DEFB127: variants seen among roughly 807,000 people sequenced by gnomAD.
The protein encoded by DEFB127 is beta-defensin 127.
A neutral mutation model predicts 2.4 loss-of-function variants in DEFB127; 2 were observed. The observed-to-expected ratio is 0.82, with a 90% CI of 0.34 to 2.58. The LOEUF is 2.58. Ranked by LOEUF, DEFB127 falls within the 30% of genes most tolerant of loss-of-function variation. The pLI, the probability that DEFB127 is intolerant of heterozygous loss-of-function variation, is 0.11. For missense variants in DEFB127, 110 were observed against 113.2 expected, an observed-to-expected ratio of 0.97 and a Z score of 0.13; for synonymous variants, 37 against 39.8, an observed-to-expected ratio of 0.93 and a Z score of 0.26.
At chr20:158,746 T>C (rs1568467496) in intron 1 of DEFB127, 28 bp from the exon 2 acceptor site, 2 of 1,586,512 alleles carry the variant, frequency 1.3e-6, no homozygotes, top group South Asian at 1.2e-5. Flanking sequence ...AACACTGATA[T>C]TGTTCTATTG....
intron 1 of DEFB127, among the ~76,000 whole-genome samples, chr20:158,044 T>C (rs2054710256): frequency 6.6e-6 from 1 of 152,064 alleles, no homozygotes; most frequent in South Asian, 2.1e-4. Flanking sequence ...CAACTTTAAG[T>C]AGTGAAGACT....
Position 157,564 on chromosome 20 carries a change from T to G in DEFB127, c.20T>G (p.Ile7Ser). 6.2e-7 allele frequency: 1 copy of G among 1,613,994 alleles called. No individual in the cohort carries two copies. Among genetic ancestry groups the G allele is most frequent in the South Asian group, 1.1e-5 (1 of 91,082 alleles). ...CTGGCCATGGGGCTCTTCATGATCA[T>G]TGCAATTCTGCTGTTCCAGAAACCC... Reference protein sequence around the residue: MGLFMIIAILLFQKPTV... With the variant: MGLFMISAILLFQKPTV... The change falls in exon 1 of 2, where the codon ATT becomes AGT. Residue 7 changes from isoleucine to serine, a missense_variant. Physicochemically the swap from Ile to Ser is moderately radical, Grantham distance 142 (BLOSUM62 -2). Transcript: ENST00000382388.
Position 158,717 on chromosome 20 carries a change from C to T in DEFB127, c.50-57C>T, listed in dbSNP as rs547986694. On this transcript the variant is annotated intron_variant, in intron 1 of 1. Transcript: ENST00000382388. ...AAGCCTCCTCTGTCTTCCCCAAAAC[C>T]AACGTGCCTTCAGTCTCAAACACTG... 99 of 1,543,912 alleles carry T rather than the reference C, an allele frequency of 6.4e-5. No individual in the cohort carries two copies. The East Asian group carries it at 2.0e-3, about 31-fold the overall frequency.
chr20:157,488 A>AG lies in DEFB127; in HGVS notation c.-56dup. On this transcript the variant is annotated 5_prime_UTR_variant, in exon 1 of 2. Transcript: ENST00000382388. Reference sequence around the variant, plus strand: ...TCTAAGTCTCTGAGGAAGGTAGCATAGTGTGCAGTTCACTGGACCAAAAGC... The same window carrying AG: ...TCTAAGTCTCTGAGGAAGGTAGCATAGGTGTGCAGTTCACTGGACCAAAAGC... 1.3e-6 allele frequency: 2 copies of AG among 1,576,664 alleles called. No individual in the cohort carries two copies. The highest frequency in any genetic ancestry group is 1.7e-6 in the Non-Finnish European group (2 of 1,146,130).
In DEFB127 at chr20:159,065, C is replaced by T. The variant is rs1258199338; in HGVS notation, c.*41C>T. ...GTTTTCACTTGCTTCTCAACCTAGTCTAATAAACTAAGGTGATGAGATATA... is the reference window on the plus strand; with the variant it reads ...GTTTTCACTTGCTTCTCAACCTAGTTTAATAAACTAAGGTGATGAGATATA... On this transcript the variant is annotated 3_prime_UTR_variant, in exon 2 of 2. Transcript: ENST00000382388. The T allele has an allele frequency of 6.4e-7, 1 of 1,553,186 alleles. No individual in the cohort carries two copies. Among genetic ancestry groups the T allele is most frequent in the African/African-American group, 1.4e-5 (1 of 72,798 alleles).
intron 1 of DEFB127, among the ~76,000 whole-genome samples, chr20:157,929 ATATGTGTGTG>A (rs372381335): frequency 3.2e-4 from 41 of 130,122 alleles, no homozygotes; most frequent in South Asian, 1.7e-3. Context: ...TCAAATATAT[ATATGTGTGTG>A]TGTGTGTGTG....
chr20:158,662 T>C (rs533989804), intron 1 of DEFB127, 112 bp from the exon 2 acceptor site: 317 of 1,082,820 alleles, frequency 2.9e-4, no homozygotes, highest in Non-Finnish European at 3.3e-4. Context: ...AGGGTCTGCC[T>C]TGTGGATACC....
At chr20:157,895 A>G (rs1488382735) in intron 1 of DEFB127, among the ~76,000 whole-genome samples, 1 of 151,154 alleles carries the variant, frequency 6.6e-6, no homozygotes, top group Non-Finnish European at 1.5e-5. Context: ...TTTTACTCTG[A>G]TGCTCAGCTA....
Position 158,953 on chromosome 20 carries a change from C to T in DEFB127, c.229C>T (p.Leu77Phe). 6.2e-7 allele frequency: 1 copy of T among 1,613,660 alleles called. No individual in the cohort carries two copies. The highest frequency in any genetic ancestry group is 2.2e-5 in the East Asian group (1 of 44,876). Reference sequence around the variant, plus strand: ...GCCACCTCGTCCAAAGCCAGCAACACTTGCACTGACTCTTCAAGACTATGT... The same window carrying T: ...GCCACCTCGTCCAAAGCCAGCAACATTTGCACTGACTCTTCAAGACTATGT... ...TKPPRPKPAT[L>F]ALTLQDYVTI... Residue 77 changes from leucine to phenylalanine, a missense_variant, in exon 2 of 2, where the codon CTT becomes TTT. Transcript: ENST00000382388.
rs572018880 is a variant in DEFB127 at position 158,761 on chromosome 20, T to A, written c.50-13T>A. 11 of 1,602,142 alleles carry A rather than the reference T, an allele frequency of 6.9e-6. No homozygotes were observed. In the South Asian group the frequency reaches 9.0e-5, roughly 13 times the overall value. ...AACACTGATATTGTTCTATTGCTCCTTTCTGTGTATAGTAACCGAACAACT... is the reference window on the plus strand; with the variant it reads ...AACACTGATATTGTTCTATTGCTCCATTCTGTGTATAGTAACCGAACAACT... On this transcript the variant is annotated splice_polypyrimidine_tract_variant and intron_variant, in intron 1 of 1. Transcript: ENST00000382388.
intron 1 of DEFB127, among the ~76,000 whole-genome samples, chr20:158,106 G>A (rs1180426491): frequency 2.6e-5 from 4 of 152,038 alleles, no homozygotes; most frequent in African/African-American, 9.7e-5. Context: ...TGGTTAACAG[G>A]GGTTTTATTA....
intron 1 of DEFB127, among the ~76,000 whole-genome samples, chr20:158,549 T>C (rs976058042): frequency 6.6e-6 from 1 of 152,200 alleles, no homozygotes; most frequent in African/African-American, 2.4e-5. Flanking sequence ...GTCTATCAGA[T>C]GTTAAGGGAG....
In DEFB127 at chr20:158,829, A is replaced by G. The variant is rs1356794912; in HGVS notation, c.105A>G (p.Lys35=). 3 of 1,613,492 alleles carry G rather than the reference A, an allele frequency of 1.9e-6. No individual in the cohort carries two copies. In the South Asian group the frequency reaches 3.3e-5, roughly 18 times the overall value. ...ACTATGTACAAGGACATTGCAGGAA[A>G]ATCTGCAGAGTAAATGAAGTGCCTG... ...WNNYVQGHCR[K]ICRVNEVPEA... is the part of the protein sequence containing the mutation. Residue 35 remains lysine (K), a synonymous_variant, in exon 2 of 2, where the codon AAA becomes AAG. Coordinates refer to ENST00000382388, the MANE Select transcript of DEFB127 (RefSeq NM_139074.4).
intron 1 of DEFB127, among the ~76,000 whole-genome samples, chr20:158,496 A>T (rs531588182): frequency 1.3e-5 from 2 of 152,134 alleles, no homozygotes; most frequent in Non-Finnish European, 2.9e-5. Flanking sequence ...TCAAGGGTTC[A>T]GCTCCTTTAT....
chr20:158,859 A>C lies in DEFB127; in HGVS notation c.135A>C (p.Ala45=), dbSNP rs1234718268. The C allele has an allele frequency of 2.6e-5, 42 of 1,613,798 alleles. No individual in the cohort carries two copies. The highest frequency in any genetic ancestry group is 3.1e-5 in the Non-Finnish European group (37 of 1,179,804). Residue 45 remains alanine, a synonymous_variant, in exon 2 of 2, where the codon GCA becomes GCC. Transcript: ENST00000382388. The part of the protein sequence containing the change: ...KICRVNEVPE[A]LCENGRYCCL... ...GCAGAGTAAATGAAGTGCCTGAGGC[A>C]CTATGTGAAAATGGGAGATACTGTT...
At chr20:158,013 CT>C (rs2054710092) in intron 1 of DEFB127, among the ~76,000 whole-genome samples, 1 of 151,592 alleles carries the variant, frequency 6.6e-6, no homozygotes, top group Non-Finnish European at 1.5e-5. Flanking sequence ...AGAAACATGC[CT>C]TCAATATCTA....
chr20:157,722 A>G (rs2054708125), intron 1 of DEFB127, 129 bp downstream of exon 1: 2 of 981,936 alleles, frequency 2.0e-6, no homozygotes, highest in South Asian at 1.5e-5. Context: ...ATCCAACATC[A>G]TCAGAAATTT....
Position 158,816 on chromosome 20 carries a change from G to C in DEFB127, c.92G>C (p.Gly31Ala), listed in dbSNP as rs761619595. ...AAGTGCTGGAATAACTATGTACAAG[G>C]ACATTGCAGGAAAATCTGCAGAGTA... ...LKKCWNNYVQ[G>A]HCRKICRVNE... The change falls in exon 2 of 2, where the codon GGA becomes GCA. Residue 31 changes from glycine to alanine, a missense_variant. Coordinates refer to ENST00000382388, the MANE Select transcript of DEFB127 (RefSeq NM_139074.4). The C allele has an allele frequency of 1.4e-5, 23 of 1,613,324 alleles. No homozygotes were observed. Among genetic ancestry groups the C allele is most frequent in the Non-Finnish European group, 1.9e-5 (23 of 1,179,578 alleles).
chr20:157,703 C>G, intron 1 of DEFB127, 110 bp downstream of exon 1: 1 of 1,208,780 alleles, frequency 8.3e-7, no homozygotes, highest in Non-Finnish European at 1.2e-6. Flanking sequence ...CCAAAGATGG[C>G]TAAAGTTTAT....
Sources: allele counts gnomAD v4.1 joint callset (sites outside exome capture counted in the v4.1 genomes callset), GRCh38; gene constraint gnomAD v4.1.1; transcripts MANE v1.5; gene names NCBI Gene and HGNC (gene_info 2026-07-23, HGNC 2026-07-21).